The following MACF1 variants were observed in gnomAD, a reference collection of about 807,000 sequenced individuals.
MACF1 encodes the protein microtubule-actin cross-linking factor 1.
MACF1 carries 193 observed loss-of-function variants against 854.8 expected under a neutral mutation model. The ratio of observed to expected loss-of-function variants is 0.23; its 90% CI spans 0.20 to 0.25. The LOEUF is 0.25. MACF1 is among the 10% of genes least tolerant of loss of function. The pLI is 1.00. For synonymous variants in MACF1, 3,185 were observed against 3,226.7 expected (o/e 0.99, Z 0.44); for missense variants, 7,722 against 8,929.1 (o/e 0.86, Z 5.45).
intron 92 of MACF1, among the ~76,000 whole-genome samples, chr1:39,461,437 A>G (rs1354231998): frequency 6.6e-6 from 1 of 152,130 alleles, no homozygotes; most frequent in Non-Finnish European, 1.5e-5. Context: ...AGGGGAGTCT[A>G]TAAGTGGATA....
chr1:39,464,918 A>G (rs891625652), intron 94 of MACF1, 177 bp from the exon 95 acceptor site: 1 of 632,472 alleles, frequency 1.6e-6, no homozygotes, highest in Non-Finnish European at 2.8e-6. Context: ...TCAAAAAAAA[A>G]AAAAAAAATT....
In MACF1 at chr1:39,316,337, C is replaced by A. The variant is rs188935930; in HGVS notation, c.3450-54C>A. ...TCTCTATAGCACTCCAGGTATATAA[C>A]CCTGGCTCCTAAAATTCATGTGTTA... is the stretch of plus-strand genomic sequence containing the variant. On this transcript the variant is annotated intron_variant, in intron 27 of 100. Coordinates refer to ENST00000564288, the MANE Select transcript of MACF1 (RefSeq NM_001394062.1). The A allele has an allele frequency of 6.3e-5, 94 of 1,499,790 alleles. 1 individual carries two copies. In the African/African-American group the frequency reaches 1.0e-3, roughly 16 times the overall value. 92.9% of individuals were successfully genotyped at this position (1,499,790 alleles called of 1,614,324 possible).
intron 5 of MACF1, among the ~76,000 whole-genome samples, chr1:39,257,193 A>G (rs1425138012): frequency 1.3e-5 from 2 of 152,260 alleles, no homozygotes; most frequent in Non-Finnish European, 2.9e-5. Context: ...AACAAAGAGT[A>G]GCATATCTCT....
intron 29 of MACF1, among the ~76,000 whole-genome samples, chr1:39,318,065 A>G (rs1646447153): frequency 6.6e-6 from 1 of 152,226 alleles, no homozygotes; most frequent in African/African-American, 2.4e-5. Context: ...GAGAAATTAT[A>G]GTGATTCATA....
intron 15 of MACF1, among the ~76,000 whole-genome samples, chr1:39,289,512 G>C (rs945258310): frequency 6.6e-6 from 1 of 151,932 alleles, no homozygotes; most frequent in African/African-American, 2.4e-5. Context: ...ACCTTTTCAC[G>C]TGCCTGTTTG....
intron 2 of MACF1, among the ~76,000 whole-genome samples, chr1:39,233,253 C>T (rs764513540): frequency 2.0e-5 from 3 of 152,120 alleles, no homozygotes; most frequent in Admixed American, 6.5e-5. Flanking sequence ...AGGCTGGTCT[C>T]GAACTCCCAA....
chr1:39,090,719 G>T (rs910542920), intron 2 of MACF1, among the ~76,000 whole-genome samples: 1 of 152,196 alleles, frequency 6.6e-6, no homozygotes, highest in Admixed American at 6.5e-5. Flanking sequence ...GTTACTTTGG[G>T]GACTGTGGAA....
At position 39,422,769 on chromosome 1, in the gene MACF1, C is replaced by T; in HGVS notation, c.16018C>T (p.His5340Tyr). ...TGCACAGCTACAGGAAGCTTTGTTG[C>T]ATTGTGGGAAGTTTCAAGATGCCTT... ...RIAQLQEALL[H>Y]CGKFQDALEP... The change falls in exon 60 of 101, where the codon CAT (histidine) becomes TAT (tyrosine). Residue 5340 changes from histidine to tyrosine, a missense_variant. By Grantham distance (83) the His-to-Tyr change is moderately conservative. Transcript: ENST00000564288. The T allele has an allele frequency of 1.2e-6, 2 of 1,614,172 alleles. No individual in the cohort carries two copies. Among genetic ancestry groups the T allele is most frequent in the Non-Finnish European group, 1.7e-6 (2 of 1,180,024 alleles).
At position 39,234,233 on chromosome 1, in the gene MACF1, C is replaced by T. The variant is rs1644823849; in HGVS notation, c.171+2990C>T. Among the ~76,000 whole-genome samples the T allele has an allele frequency of 2.6e-5, 4 of 152,078 alleles. No individual in the cohort carries two copies. The South Asian group carries it at 8.3e-4, about 31-fold the overall frequency. On this transcript the variant is annotated intron_variant, in intron 2 of 100. Coordinates refer to ENST00000564288, the MANE Select transcript of MACF1 (RefSeq NM_001394062.1). Reference sequence around the variant, plus strand: ...AACCATCCGATTTCTCAATCTTTTCCCCACCTCTCCCTCCTTTCTATTCCA... The same window carrying T: ...AACCATCCGATTTCTCAATCTTTTCTCCACCTCTCCCTCCTTTCTATTCCA...
chr1:39,357,042 G>A (rs1284837883), intron 44 of MACF1, among the ~76,000 whole-genome samples: 1 of 152,204 alleles, frequency 6.6e-6, no homozygotes, highest in Non-Finnish European at 1.5e-5. Flanking sequence ...TTGGAAAAGT[G>A]ATCTATTGAG....
At chr1:39,397,307 A>T (rs1642310899) in intron 58 of MACF1, among the ~76,000 whole-genome samples, 1 of 152,214 alleles carries the variant, frequency 6.6e-6, no homozygotes, top group African/African-American at 2.4e-5. Flanking sequence ...CATGCCTGTC[A>T]TCTCAGCACT....
chr1:39,358,023 G>A, intron 45 of MACF1, 130 bp downstream of exon 45: 1 of 951,622 alleles, frequency 1.1e-6, no homozygotes, highest in Non-Finnish European at 1.5e-6. Context: ...TTGGACCATG[G>A]GCAGAAGGTC....
At position 39,309,631 on chromosome 1, in the gene MACF1, A is replaced by G. The variant is rs139801751; in HGVS notation, c.2851A>G (p.Ser951Gly). 1.1e-3 allele frequency: 1,697 copies of G among 1,614,184 alleles called. 1 individual carries two copies. Among genetic ancestry groups the G allele is most frequent in the Non-Finnish European group, 1.2e-3 (1,386 of 1,180,010 alleles). Residue 951 changes from serine to glycine, a missense_variant, in exon 24 of 101, where the codon AGC (serine) becomes GGC (glycine). By Grantham distance (56) the Ser-to-Gly change is moderately conservative. Transcript: ENST00000564288. Reference protein sequence around the residue: ...LWHQLHVNTKSLISWNYLRKD... With the variant: ...LWHQLHVNTKGLISWNYLRKD... The stretch of plus-strand genomic sequence containing the variant: ...GCATCAGCTGCATGTTAACACCAAA[A>G]GCCTTATCTCTTGGAACTATCTGCG...
At chr1:39,448,248 C>T (rs1644267028) in intron 83 of MACF1, 96 bp downstream of exon 83, 11 of 1,380,860 alleles carry the variant, frequency 8.0e-6, no homozygotes, top group Non-Finnish European at 1.1e-5. Context: ...AAAAGAAAAC[C>T]AATTGGTTAA....
intron 58 of MACF1, among the ~76,000 whole-genome samples, chr1:39,403,160 G>A (rs59544959): frequency 0.024 from 3,604 of 151,894 alleles, 111 homozygotes; most frequent in East Asian, 0.16. Context: ...TGCAGTGGGT[G>A]CGATCTTGGC....
chr1:39,434,273 C>T (rs919464716), intron 68 of MACF1, 141 bp from the exon 69 acceptor site: 12 of 411,374 alleles, frequency 2.9e-5, no homozygotes, highest in African/African-American at 2.5e-4. Flanking sequence ...AAATAAAAAT[C>T]ACTTGTAATC....
At chr1:39,448,855 C>G in intron 84 of MACF1, 92 bp downstream of exon 84, 1 of 1,022,448 alleles carries the variant, frequency 9.8e-7, no homozygotes, top group Non-Finnish European at 1.4e-6. Context: ...AAAGCTAATG[C>G]ATCAGTAAGA....
At position 39,283,191 on chromosome 1, in the gene MACF1, C is replaced by T; in HGVS notation, c.698C>T (p.Pro233Leu). 6.2e-7 allele frequency: 1 copy of T among 1,605,842 alleles called. No homozygotes were observed. The highest frequency in any genetic ancestry group is 1.1e-5 in the South Asian group (1 of 90,796). The part of the protein sequence containing the change: ...MFNALIHRYR[P>L]DLVDMERVQI... ...TGTGCCTTGCTGGACTTTTACAGACCCGATCTAGTAGACATGGAGAGGGTG... is the reference window on the plus strand; with the variant it reads ...TGTGCCTTGCTGGACTTTTACAGACTCGATCTAGTAGACATGGAGAGGGTG... The change falls in exon 8 of 101, where the codon CCC (proline) becomes CTC (leucine). Residue 233 changes from proline (P) to leucine (L), a missense_variant and splice_region_variant. Physicochemically the swap from Pro to Leu is moderately conservative, Grantham distance 98 (BLOSUM62 -3). Coordinates refer to ENST00000564288, the MANE Select transcript of MACF1 (RefSeq NM_001394062.1). This position sits in a 1 kb window ranked among gnomAD's most constrained non-coding sequence, Gnocchi z 4.5.
At chr1:39,110,028 CAAAAT>C (rs1234971893) in intron 2 of MACF1, among the ~76,000 whole-genome samples, 2 of 149,872 alleles carry the variant, frequency 1.3e-5, no homozygotes, top group African/African-American at 2.5e-5. Context: ...AAAAATAATA[CAAAAT>C]AAAATAAAAT....
Sources: allele counts gnomAD v4.1 joint callset (sites outside exome capture counted in the v4.1 genomes callset), GRCh38; gene constraint gnomAD v4.1.1; non-coding constraint Gnocchi (gnomAD v3.1); transcripts MANE v1.5; gene names NCBI Gene and HGNC (gene_info 2026-07-23, HGNC 2026-07-21).